The following FAT3 variants were observed in gnomAD, a reference collection of about 807,000 sequenced individuals.
The protein encoded by FAT3 is FAT atypical cadherin 3.
FAT3 carries 95 observed loss-of-function variants against 310.2 expected under a neutral mutation model. The ratio of observed to expected loss-of-function variants is 0.31; its 90% CI spans 0.26 to 0.36. The LOEUF (loss-of-function observed/expected upper bound fraction) is 0.36. Ranked by LOEUF, FAT3 falls within the 10% of genes least tolerant of loss-of-function variation. FAT3 has a pLI of 1.00. For synonymous variants in FAT3, 2,314 were observed against 2,192.9 expected (o/e 1.06, Z -1.54); for missense variants, 5,408 against 5,715.6 (o/e 0.95, Z 1.74).
chr11:92,770,624 C>G (rs1946433625), intron 6 of FAT3, among the ~76,000 whole-genome samples: 1 of 152,054 alleles, frequency 6.6e-6, no homozygotes, highest in South Asian at 2.1e-4. Flanking sequence ...CCCTTGGTGA[C>G]AACTAGATGT....
Position 92,801,515 on chromosome 11 carries a change from A to G in FAT3, c.8502A>G (p.Thr2834=), listed in dbSNP as rs546527773. Residue 2834 remains threonine (T), a synonymous_variant, in exon 10 of 28, where the codon ACA becomes ACG. Coordinates refer to ENST00000525166, the MANE Select transcript of FAT3 (RefSeq NM_001367949.2). Reference sequence around the variant, plus strand: ...GGATGCCTGTTGGCACCAAACTCACACAAGTGAGAGCTATTGATATGGACT... The same window carrying G: ...GGATGCCTGTTGGCACCAAACTCACGCAAGTGAGAGCTATTGATATGGACT... ...MEGMPVGTKL[T]QVRAIDMDWG... is the part of the protein sequence containing the mutation. 4.2e-5 allele frequency: 68 copies of G among 1,611,006 alleles called. No homozygotes were observed. The African/African-American group carries it at 8.1e-4, about 19-fold the overall frequency.
chr11:92,339,827 C>T (rs969773496), intron 1 of FAT3, among the ~76,000 whole-genome samples: 1 of 151,932 alleles, frequency 6.6e-6, no homozygotes, highest in African/African-American at 2.4e-5. Flanking sequence ...AAACAGGAAG[C>T]CAGGGGCCAG....
At chr11:92,708,779 T>G (rs887111095) in intron 4 of FAT3, among the ~76,000 whole-genome samples, 1 of 152,226 alleles carries the variant, frequency 6.6e-6, no homozygotes, top group African/African-American at 2.4e-5. Flanking sequence ...ATATATTAAT[T>G]TTTTTGGCCC....
Position 92,798,752 on chromosome 11 carries a change from G to C in FAT3, c.5739G>C (p.Glu1913Asp). The C allele has an allele frequency of 1.2e-6, 2 of 1,613,790 alleles. No homozygotes were observed. The highest frequency in any genetic ancestry group is 1.7e-6 in the Non-Finnish European group (2 of 1,179,832). The change falls in exon 10 of 28, where the codon GAG (glutamate) becomes GAC (aspartate). Residue 1913 changes from glutamate to aspartate, a missense_variant. Glu to Asp is a conservative substitution (Grantham distance 45). Transcript: ENST00000525166. ...LKVSATDPDS[E>D]VPPELTYSLM... ...TTAGTGCCACAGATCCTGACTCTGAGGTACCCCCTGAACTGACATACAGCC... is the reference window on the plus strand; with the variant it reads ...TTAGTGCCACAGATCCTGACTCTGACGTACCCCCTGAACTGACATACAGCC...
chr11:92,522,235 A>T (rs1481823534), intron 2 of FAT3, among the ~76,000 whole-genome samples: 3 of 152,110 alleles, frequency 2.0e-5, no homozygotes, highest in Admixed American at 6.5e-5. Context: ...TGACTTGCAG[A>T]GCTCCAGCCT....
At position 92,805,287 on chromosome 11, in the gene FAT3, A is replaced by G. The variant is rs1413942629; in HGVS notation, c.9031A>G (p.Thr3011Ala). ...NITATDGLFV[T>A]QAMVEVSVSD... is the part of the protein sequence containing the mutation. Reference sequence around the variant, plus strand: ...CACTGCCACTGATGGGCTTTTTGTCACACAGGCCATGGTGGAAGTGAGCGT... The same window carrying G: ...CACTGCCACTGATGGGCTTTTTGTCGCACAGGCCATGGTGGAAGTGAGCGT... Residue 3011 changes from threonine (T) to alanine (A), a missense_variant, in exon 11 of 28, where the codon ACA (threonine) becomes GCA (alanine). Transcript: ENST00000525166. 13 of 1,613,872 alleles carry G rather than the reference A, an allele frequency of 8.1e-6. No homozygotes were observed. The highest frequency in any genetic ancestry group is 1.1e-5 in the Non-Finnish European group (13 of 1,179,828).
chr11:92,865,626 C>T (rs546838289), intron 21 of FAT3, among the ~76,000 whole-genome samples: 1 of 152,344 alleles, frequency 6.6e-6, no homozygotes, highest in Non-Finnish European at 1.5e-5. Context: ...ACCAAATGTA[C>T]ACTTGTCTAG....
chr11:92,339,942 C>G (rs1948201262), intron 1 of FAT3, among the ~76,000 whole-genome samples: 2 of 151,874 alleles, frequency 1.3e-5, no homozygotes, highest in Non-Finnish European at 1.5e-5. Context: ...GAAACCCCGT[C>G]TCTACTAAAA....
chr11:92,354,999 C>T lies in FAT3; in HGVS notation c.2887C>T (p.Pro963Ser). 6.2e-7 allele frequency: 1 copy of T among 1,613,808 alleles called. No individual in the cohort carries two copies. The change falls in exon 2 of 28, where the codon CCA becomes TCA. Residue 963 changes from proline (P) to serine (S), a missense_variant. Physicochemically the swap from Pro to Ser is moderately conservative, Grantham distance 74. This residue lies in a region of FAT3 where 4,588 missense variants were observed against 4,809.8 expected (regional missense o/e 0.95). Transcript: ENST00000525166. ...CATTGCTTGGCTTGAGACCCATGATCCAGATCTTGGACTGGGGGGTCAAGT... is the reference window on the plus strand; with the variant it reads ...CATTGCTTGGCTTGAGACCCATGATTCAGATCTTGGACTGGGGGGTCAAGT... ...TVIAWLETHD[P>S]DLGLGGQVRY...
At chr11:92,530,682 C>T (rs1197075598) in intron 3 of FAT3, among the ~76,000 whole-genome samples, 1 of 152,036 alleles carries the variant, frequency 6.6e-6, no homozygotes, top group East Asian at 1.9e-4. Flanking sequence ...GGAGTTCAGA[C>T]CTACTTTAAT....
At chr11:92,461,846 C>A (rs186748363) in intron 2 of FAT3, among the ~76,000 whole-genome samples, 2 of 152,160 alleles carry the variant, frequency 1.3e-5, no homozygotes. Context: ...ACCCTCGCCT[C>A]GACTTGCTGT....
chr11:92,322,116 A>G (rs1331966335), intron 1 of FAT3, among the ~76,000 whole-genome samples: 2 of 152,168 alleles, frequency 1.3e-5, no homozygotes, highest in Non-Finnish European at 2.9e-5. Context: ...TACCACACCA[A>G]TACAGCCCTA....
rs138878109 is a variant in FAT3 at position 92,773,506 on chromosome 11, T to C, written c.4196-535T>C. 9.0e-3 allele frequency among the ~76,000 whole-genome samples: 1,373 copies of C among 152,206 alleles called. 17 individuals carry two copies. The highest frequency in any genetic ancestry group is 0.029 in the African/African-American group (1,193 of 41,542). ...CAGATATAGAATTTTTAATATGAAA[T>C]TTTTTTGCTTTTTTTTACTGTTTAG... is the stretch of plus-strand genomic sequence containing the variant. On this transcript the variant is annotated intron_variant, in intron 6 of 27. Transcript: ENST00000525166.
At chr11:92,590,487 G>A (rs1255347938) in intron 3 of FAT3, among the ~76,000 whole-genome samples, 1 of 152,084 alleles carries the variant, frequency 6.6e-6, no homozygotes, top group Non-Finnish European at 1.5e-5. Flanking sequence ...AAGCATCTGA[G>A]AAATTATGTG....
At chr11:92,757,084 C>T (rs188785798) in intron 4 of FAT3, among the ~76,000 whole-genome samples, 31 of 151,992 alleles carry the variant, frequency 2.0e-4, no homozygotes, top group African/African-American at 6.7e-4. Flanking sequence ...GCCACCATGC[C>T]CAGCTAATTT....
chr11:92,792,232 G>A (rs1947057471), intron 8 of FAT3, among the ~76,000 whole-genome samples: 1 of 152,146 alleles, frequency 6.6e-6, no homozygotes, highest in Non-Finnish European at 1.5e-5. Context: ...ATTCCCACTT[G>A]ACTCTAAGCT....
intron 3 of FAT3, among the ~76,000 whole-genome samples, chr11:92,611,079 G>A (rs1005592979): frequency 6.6e-6 from 1 of 152,036 alleles, no homozygotes; most frequent in East Asian, 1.9e-4. Context: ...AGGGAAAAAT[G>A]AGTAAACAGC....
intron 2 of FAT3, among the ~76,000 whole-genome samples, chr11:92,515,970 A>G (rs1953469048): frequency 1.3e-5 from 2 of 152,250 alleles, no homozygotes; most frequent in Admixed American, 1.3e-4. Flanking sequence ...GACAAATAAC[A>G]AGTTCTGAAA....
At chr11:92,739,746 A>G (rs987229909) in intron 4 of FAT3, among the ~76,000 whole-genome samples, 7 of 152,200 alleles carry the variant, frequency 4.6e-5, no homozygotes, top group Non-Finnish European at 7.3e-5. Flanking sequence ...TAAACTCTCT[A>G]CATGCTTGGC....
Sources: allele counts gnomAD v4.1 joint callset (sites outside exome capture counted in the v4.1 genomes callset), GRCh38; gene constraint gnomAD v4.1.1; regional missense constraint gnomAD v4.1.1; transcripts MANE v1.5; gene names NCBI Gene and HGNC (gene_info 2026-07-23, HGNC 2026-07-21).